The following KIAA0586 variants were observed in gnomAD, a reference collection of about 807,000 sequenced individuals.
KIAA0586 encodes the protein protein TALPID3.
In KIAA0586, 144 loss-of-function variants were observed where a neutral mutation model predicts 169.8. The ratio of observed to expected loss-of-function variants is 0.85; its 90% CI spans 0.74 to 0.97. The LOEUF is 0.97. KIAA0586 is among the 50% of genes least tolerant of loss of function. The pLI is 0.00. For missense variants in KIAA0586, 1,854 were observed against 1,823.0 expected, an observed-to-expected ratio of 1.02 and a Z score of -0.31; for synonymous variants, 625 against 612.4, an observed-to-expected ratio of 1.02 and a Z score of -0.30.
intron 29 of KIAA0586, among the ~76,000 whole-genome samples, chr14:58,526,936 A>G (rs1484090048): frequency 2.0e-5 from 3 of 151,708 alleles, no homozygotes; most frequent in Admixed American, 2.0e-4. Context: ...CCCCCATAAT[A>G]AAGGAAGCTA....
chr14:58,525,927 G>C (rs962486952), intron 29 of KIAA0586, among the ~76,000 whole-genome samples: 6 of 152,214 alleles, frequency 3.9e-5, no homozygotes, highest in Admixed American at 6.5e-5. Context: ...TCCCCTCAGT[G>C]TAAACAAAGC....
Position 58,472,216 on chromosome 14 carries a change from G to T in KIAA0586, c.2571G>T (p.Lys857Asn). Residue 857 changes from lysine to asparagine, a missense_variant, in exon 18 of 31, where the codon AAG becomes AAT. Lys to Asn is a moderately conservative substitution (Grantham distance 94, BLOSUM62 0). Coordinates refer to ENST00000652326, the MANE Select transcript of KIAA0586 (RefSeq NM_001329943.3). ...QTWIKTPEIM[K>N]VDEEEVKFPG... ...TTTCTTAGACTCCAGAAATTATGAAGGTAGATGAAGAAGAGGTGAAGTTTC... is the reference window on the plus strand; with the variant it reads ...TTTCTTAGACTCCAGAAATTATGAATGTAGATGAAGAAGAGGTGAAGTTTC... 6.3e-7 allele frequency: 1 copy of T among 1,579,470 alleles called. No individual in the cohort carries two copies. Among genetic ancestry groups the T allele is most frequent in the Admixed American group, 1.8e-5 (1 of 55,298 alleles).
chr14:58,488,865 G>A lies in KIAA0586; in HGVS notation c.3772G>A (p.Ala1258Thr). ...EILFSCGQKL[A>T]PKILEDIGLY... ...TTTATTTAGCTGTGGTCAAAAATTG[G>A]CCCCCAAGAGTAAGTTAATTTGTAT... The change falls in exon 24 of 31, where the codon GCC (alanine) becomes ACC (threonine). Residue 1258 changes from alanine to threonine, a missense_variant. Coordinates refer to ENST00000652326, the MANE Select transcript of KIAA0586 (RefSeq NM_001329943.3). 1 of 1,613,380 alleles carries A rather than the reference G, an allele frequency of 6.2e-7. No individual in the cohort carries two copies. The highest frequency in any genetic ancestry group is 8.5e-7 in the Non-Finnish European group (1 of 1,179,618).
intron 21 of KIAA0586, among the ~76,000 whole-genome samples, chr14:58,484,902 A>ATTTATATATATATTTATC (rs1269889812): frequency 8.0e-5 from 1 of 12,486 alleles, no homozygotes; most frequent in Non-Finnish European, 1.4e-4. Flanking sequence ...ATATATATAT[A>ATTTATATATATATTTATC]TATATATATA....
At chr14:58,531,048 C>T (rs572420640) in intron 29 of KIAA0586, among the ~76,000 whole-genome samples, 36 of 151,994 alleles carry the variant, frequency 2.4e-4, no homozygotes, top group South Asian at 8.3e-4. Context: ...CAGTGGCTCA[C>T]GCCTGTAATC....
chr14:58,505,546 CT>C (rs1242564729), intron 27 of KIAA0586, among the ~76,000 whole-genome samples: 5 of 152,284 alleles, frequency 3.3e-5, no homozygotes, highest in South Asian at 2.1e-4. Flanking sequence ...TGCCAAGTTG[CT>C]TTCTTGAAAG....
At chr14:58,527,750 A>G (rs1033572456) in intron 29 of KIAA0586, among the ~76,000 whole-genome samples, 3 of 152,204 alleles carry the variant, frequency 2.0e-5, no homozygotes, top group Admixed American at 6.5e-5. Flanking sequence ...CACTGCAAAA[A>G]CATAGCAAAT....
intron 9 of KIAA0586, among the ~76,000 whole-genome samples, 174 bp from the exon 10 acceptor site, chr14:58,456,528 T>C (rs1201140146): frequency 1.3e-5 from 2 of 152,230 alleles, no homozygotes; most frequent in Non-Finnish European, 2.9e-5. Flanking sequence ...TGTGTTTCAT[T>C]TGTTTAATCA....
chr14:58,469,339 C>CCAA (rs879463528), intron 16 of KIAA0586, among the ~76,000 whole-genome samples: 6 of 152,238 alleles, frequency 3.9e-5, no homozygotes, highest in Non-Finnish European at 8.8e-5. Flanking sequence ...CTTTCAACTT[C>CCAA]CAGTCATTCT....
At chr14:58,502,225 T>C (rs890915790) in intron 27 of KIAA0586, among the ~76,000 whole-genome samples, 55 of 152,112 alleles carry the variant, frequency 3.6e-4, no homozygotes, top group Admixed American at 2.9e-3. Flanking sequence ...AACCTCTGCC[T>C]CCTGGGTTCA....
chr14:58,441,201 T>C, intron 4 of KIAA0586: 1 of 317,436 alleles, frequency 3.2e-6, no homozygotes. Flanking sequence ...TTTTTTTTTT[T>C]TTTTTTTTTT....
At position 58,432,421 on chromosome 14, in the gene KIAA0586, G is replaced by A. The variant is rs1050029652; in HGVS notation, c.374G>A (p.Gly125Glu). The A allele has an allele frequency of 5.1e-6, 8 of 1,569,370 alleles. No individual in the cohort carries two copies. In the African/African-American group the frequency reaches 5.5e-5, roughly 11 times the overall value. ...ATCTTCATTTCTCAGTATACAATGG[G>A]ACAGAAAGATGCTCTAAGAACAGTT... Reference protein sequence around the residue: ...NDIFISQYTMGQKDALRTVLK... With the variant: ...NDIFISQYTMEQKDALRTVLK... Residue 125 changes from glycine (G) to glutamate (E), a missense_variant, in exon 4 of 31, where the codon GGA (glycine) becomes GAA (glutamate). Coordinates refer to ENST00000652326, the MANE Select transcript of KIAA0586 (RefSeq NM_001329943.3).
chr14:58,530,941 A>G (rs550685264), intron 29 of KIAA0586, among the ~76,000 whole-genome samples: 6 of 152,296 alleles, frequency 3.9e-5, no homozygotes, highest in African/African-American at 1.4e-4. Flanking sequence ...CAATCTATCC[A>G]TCTGACAAAG....
In KIAA0586 at chr14:58,535,699, ATTT is replaced by A. The variant is rs3041108; in HGVS notation, c.4430-4357_4430-4355del. Reference sequence around the variant, plus strand: ...TTTAAGTACCCTAATAATTTATTGGATTTTTTTTTTTTTTTTTAGTGAACTCAA... The same window carrying A: ...TTTAAGTACCCTAATAATTTATTGGATTTTTTTTTTTTTTAGTGAACTCAA... On this transcript the variant is annotated intron_variant, in intron 29 of 30. Coordinates refer to ENST00000652326, the MANE Select transcript of KIAA0586 (RefSeq NM_001329943.3). 4.8e-3 allele frequency among the ~76,000 whole-genome samples: 673 copies of A among 141,294 alleles called. 6 individuals are homozygous for A. The highest frequency in any genetic ancestry group is 0.012 in the African/African-American group (473 of 38,678). The allele number at this position is 141,294 out of a possible 152,430, so 92.7% of individuals were successfully genotyped here.
At chr14:58,451,439 C>A (rs1332697121) in intron 8 of KIAA0586, among the ~76,000 whole-genome samples, 1 of 151,754 alleles carries the variant, frequency 6.6e-6, no homozygotes, top group Non-Finnish European at 1.5e-5. Context: ...GTTTCCCAGG[C>A]TGGTCACAAA....
intron 26 of KIAA0586, among the ~76,000 whole-genome samples, chr14:58,492,846 G>C (rs1041331359): frequency 2.9e-4 from 44 of 152,136 alleles, no homozygotes; most frequent in African/African-American, 9.7e-4. Flanking sequence ...ATTTGTTAAG[G>C]GATGACAGCC....
At chr14:58,514,592 G>A (rs2044621463) in intron 29 of KIAA0586, among the ~76,000 whole-genome samples, 1 of 151,964 alleles carries the variant, frequency 6.6e-6, no homozygotes, top group Admixed American at 6.6e-5. Context: ...ACAGATTCCA[G>A]CACCATATTG....
At chr14:58,446,515 A>G (rs2038916067) in intron 6 of KIAA0586, among the ~76,000 whole-genome samples, 1 of 152,056 alleles carries the variant, frequency 6.6e-6, no homozygotes, top group African/African-American at 2.4e-5. Context: ...CAACAAATGT[A>G]TATATATGTG....
At chr14:58,535,244 T>A (rs2046208035) in intron 29 of KIAA0586, among the ~76,000 whole-genome samples, 1 of 152,256 alleles carries the variant, frequency 6.6e-6, no homozygotes, top group Non-Finnish European at 1.5e-5. Flanking sequence ...TTTCACAGGC[T>A]GTTCAACTAA....
Sources: gnomAD v4.1 joint callset for allele counts (sites outside exome capture counted in the v4.1 genomes callset) on GRCh38, gnomAD v4.1.1 for gene constraint, MANE v1.5 for transcripts, NCBI Gene and HGNC (gene_info 2026-07-23, HGNC 2026-07-21) for gene names.